Variants in MEGF6 observed in about 807,000 individuals in gnomAD.
MEGF6 encodes the protein multiple epidermal growth factor-like domains protein 6.
MEGF6 carries 184 observed loss-of-function variants against 207.1 expected under a neutral mutation model. The ratio of observed to expected loss-of-function variants is 0.89; its 90% CI spans 0.79 to 1.00. MEGF6 has a LOEUF of 1.00. Ranked by LOEUF, MEGF6 falls within the 50% of genes least tolerant of loss-of-function variation. The pLI, the probability that MEGF6 is intolerant of heterozygous loss-of-function variation, is 0.00. For synonymous variants in MEGF6, 1,038 were observed against 910.0 expected, an observed-to-expected ratio of 1.14 and a Z score of -2.53; for missense variants, 2,282 against 2,202.9, an observed-to-expected ratio of 1.04 and a Z score of -0.72.
At chr1:3,562,280 C>T (rs1267579013) in intron 4 of MEGF6, among the ~76,000 whole-genome samples, 1 of 152,206 alleles carries the variant, frequency 6.6e-6, no homozygotes, top group African/African-American at 2.4e-5. Flanking sequence ...TTCTCTGTCT[C>T]TCTTCATCCC....
chr1:3,603,822 A>T (rs1461068631), intron 1 of MEGF6, among the ~76,000 whole-genome samples: 1 of 145,724 alleles, frequency 6.9e-6, no homozygotes, highest in Admixed American at 7.4e-5. Context: ...CGCCCCGTCC[A>T]GCCACCCTGG....
chr1:3,511,866 C>T (rs1641361914), intron 8 of MEGF6, 140 bp downstream of exon 8: 1 of 1,465,754 alleles, frequency 6.8e-7, no homozygotes, highest in Admixed American at 2.1e-5. Flanking sequence ...CCTCGACCCT[C>T]TGCTCACCAA....
At chr1:3,508,882 C>A (rs925686068) in intron 12 of MEGF6, among the ~76,000 whole-genome samples, 193 bp from the exon 13 acceptor site, 1 of 152,184 alleles carries the variant, frequency 6.6e-6, no homozygotes, top group African/African-American at 2.4e-5. Context: ...TGAGCCCGGT[C>A]CCGCCCGGCT....
At chr1:3,502,155 C>T (rs543404737) in intron 17 of MEGF6, among the ~76,000 whole-genome samples, 17 of 45,994 alleles carry the variant, frequency 3.7e-4, no homozygotes, top group South Asian at 2.0e-3. Flanking sequence ...CACCTGGGGT[C>T]CCCAGAGTGG....
intron 3 of MEGF6, among the ~76,000 whole-genome samples, chr1:3,593,074 C>A (rs1644004893): frequency 6.6e-6 from 1 of 152,220 alleles, no homozygotes; most frequent in South Asian, 2.1e-4. Context: ...CAGGGTCCCA[C>A]ATGCAGATGG....
chr1:3,501,758 C>A (rs1237958563), intron 18 of MEGF6, 38 bp downstream of exon 18: 2 of 1,604,384 alleles, frequency 1.2e-6, no homozygotes, highest in South Asian at 1.1e-5. Context: ...AGCCGTGCAG[C>A]CTGGGGAGGC....
At chr1:3,607,780 G>T (rs1395591652) in intron 1 of MEGF6, among the ~76,000 whole-genome samples, 1 of 152,258 alleles carries the variant, frequency 6.6e-6, no homozygotes, top group Non-Finnish European at 1.5e-5. Flanking sequence ...AGTGGACCTG[G>T]TGCAGTCGGA....
At position 3,508,674 on chromosome 1, in the gene MEGF6, G is replaced by A. The variant is rs142350286; in HGVS notation, c.1544C>T (p.Ser515Phe). The A allele has an allele frequency of 6.7e-5, 108 of 1,613,328 alleles. No individual in the cohort carries two copies. In the African/African-American group the frequency reaches 1.3e-3, roughly 19 times the overall value. The change falls in exon 13 of 37, where the codon TCC becomes TTC. Residue 515 changes from serine to phenylalanine, a missense_variant. Coordinates refer to ENST00000356575, the MANE Select transcript of MEGF6 (RefSeq NM_001409.4). ...GGTCAAGCTGCAGTCATGGCCAAAGGAGTCATCCAGGCAGACTGGGGGCAG... is the reference window on the plus strand; with the variant it reads ...GGTCAAGCTGCAGTCATGGCCAAAGAAGTCATCCAGGCAGACTGGGGGCAG... Reference protein sequence around the residue: ...LTEKFVCLDDSFGHDCSLTCD... With the variant: ...LTEKFVCLDDFFGHDCSLTCD...
chr1:3,496,015 C>A lies in MEGF6; in HGVS notation c.3746G>T (p.Cys1249Phe). 1 of 1,523,408 alleles carries A rather than the reference C, an allele frequency of 6.6e-7. No homozygotes were observed. The highest frequency in any genetic ancestry group is 1.3e-5 in the South Asian group (1 of 79,832). The allele number at this position is 1,523,408 out of a possible 1,614,324, so 94.4% of individuals were successfully genotyped here. ...GFLGTDCNLT[C>F]PQGRFGPNCT... ...GTTGGGGCCGAAGCGGCCCTGCGGACAGGCTGCCGGGGAGGAAGTGGTGAT... is the reference window on the plus strand; with the variant it reads ...GTTGGGGCCGAAGCGGCCCTGCGGAAAGGCTGCCGGGGAGGAAGTGGTGAT... The change falls in exon 30 of 37, where the codon TGT (cysteine) becomes TTT (phenylalanine). Residue 1249 changes from cysteine to phenylalanine, a missense_variant. Physicochemically the swap from Cys to Phe is radical, Grantham distance 205. Transcript: ENST00000356575.
intron 4 of MEGF6, among the ~76,000 whole-genome samples, chr1:3,551,559 C>G (rs541067372): frequency 6.6e-6 from 1 of 152,182 alleles, no homozygotes; most frequent in South Asian, 2.1e-4. Flanking sequence ...AAGGTCAACA[C>G]AGACCCAACA....
chr1:3,540,640 C>G (rs1229891962), intron 4 of MEGF6, among the ~76,000 whole-genome samples: 1 of 152,240 alleles, frequency 6.6e-6, no homozygotes, highest in Admixed American at 6.5e-5. Context: ...TCTTACAGCT[C>G]CAGAGGCTGG....
chr1:3,509,175 C>T lies in MEGF6; in HGVS notation c.1428G>A (p.Val476=), dbSNP rs1449022200. The T allele has an allele frequency of 6.3e-7, 1 of 1,581,004 alleles. No homozygotes were observed. The highest frequency in any genetic ancestry group is 1.2e-5 in the South Asian group (1 of 86,912). The change falls in exon 12 of 37, where the codon GTG becomes GTA. Residue 476 remains valine, a synonymous_variant. Transcript: ENST00000356575. ...AGAGTTGCGGCAGCTCGTCCTGGAG[C>T]ACGGCAATGTGGGGCAGGGGCCGCA... ...PFVRPLPHIA[V]LQDELPQLFQ... is the part of the protein sequence containing the mutation.
chr1:3,578,435 C>T (rs568243922), intron 4 of MEGF6, among the ~76,000 whole-genome samples: 2 of 152,188 alleles, frequency 1.3e-5, no homozygotes, highest in South Asian at 4.1e-4. Context: ...GTCCTCGGAA[C>T]AGGGATGGGT....
chr1:3,577,168 G>A lies in MEGF6; in HGVS notation c.481+2657C>T, dbSNP rs559053520. 3.9e-5 allele frequency among the ~76,000 whole-genome samples: 6 copies of A among 152,238 alleles called. No individual in the cohort carries two copies. In the South Asian group the frequency reaches 6.2e-4, roughly 16 times the overall value. ...CCCTTCTTCCGAGAGAGTGACCAGCGAGGAGGCCGGGCAGCCACCCTCCAG... is the reference window on the plus strand; with the variant it reads ...CCCTTCTTCCGAGAGAGTGACCAGCAAGGAGGCCGGGCAGCCACCCTCCAG... On this transcript the variant is annotated intron_variant, in intron 4 of 36. Transcript: ENST00000356575.
chr1:3,540,736 A>G (rs1191057925), intron 4 of MEGF6, among the ~76,000 whole-genome samples: 1 of 152,112 alleles, frequency 6.6e-6, no homozygotes, highest in African/African-American at 2.4e-5. Context: ...CAGAAAGGGA[A>G]CCACTCCCTC....
intron 4 of MEGF6, among the ~76,000 whole-genome samples, chr1:3,552,623 G>C (rs768302042): frequency 6.6e-6 from 1 of 152,220 alleles, no homozygotes; most frequent in Non-Finnish European, 1.5e-5. Flanking sequence ...GCCTGAGCCC[G>C]GGAGTTCAAG....
chr1:3,552,992 T>C (rs1375473101), intron 4 of MEGF6, among the ~76,000 whole-genome samples: 1 of 152,062 alleles, frequency 6.6e-6, no homozygotes, highest in Non-Finnish European at 1.5e-5. Context: ...CAAGGACATC[T>C]TGAGAGGTGC....
Position 3,500,733 on chromosome 1 carries a change from G to T in MEGF6, c.2607C>A (p.Cys869Ter). 1 of 1,601,204 alleles carries T rather than the reference G, an allele frequency of 6.2e-7. No individual in the cohort carries two copies. Among genetic ancestry groups the T allele is most frequent in the Middle Eastern group, 1.7e-4 (1 of 5,996 alleles). The change falls in exon 21 of 37, where the codon TGC becomes TGA. Residue 869 changes from cysteine (C) to a stop codon, truncating the protein, a stop_gained. Coordinates refer to ENST00000356575, the MANE Select transcript of MEGF6 (RefSeq NM_001409.4). LOFTEE classifies it high-confidence loss of function. ...ACDTGHWGPD[C>*]SHPCNCSAGH... Reference sequence around the variant, plus strand: ...CAGCGCTGCAGTTGCAGGGGTGGCTGCAGTCAGGTCCCCAGTGCCCAGTAT... The same window carrying T: ...CAGCGCTGCAGTTGCAGGGGTGGCTTCAGTCAGGTCCCCAGTGCCCAGTAT...
intron 4 of MEGF6, among the ~76,000 whole-genome samples, chr1:3,537,167 G>A (rs554324281): frequency 6.6e-6 from 1 of 152,362 alleles, no homozygotes; most frequent in Non-Finnish European, 1.5e-5. Context: ...GGGGCTGCCA[G>A]TGGGGCCCAA....
Sources: allele counts gnomAD v4.1 joint callset (sites outside exome capture counted in the v4.1 genomes callset), GRCh38; gene constraint gnomAD v4.1.1; transcripts MANE v1.5; gene names NCBI Gene and HGNC (gene_info 2026-07-23, HGNC 2026-07-21).